Variants in GLB1 observed in about 807,000 individuals in gnomAD.
The protein encoded by GLB1 is galactosidase beta 1, also known as beta-galactosidase.
In GLB1, 56 loss-of-function variants were observed where a neutral mutation model predicts 74.0. The observed-to-expected ratio is 0.76, with a 90% CI of 0.61 to 0.94. The LOEUF (loss-of-function observed/expected upper bound fraction) is 0.94, where lower values mean the gene tolerates loss of function less well. Ranked by LOEUF, GLB1 falls within the 40% of genes least tolerant of loss-of-function variation. The pLI, the probability that GLB1 is intolerant of heterozygous loss-of-function variation, is 0.00. For synonymous variants in GLB1, 323 were observed against 323.6 expected (o/e 1.00, Z 0.02); for missense variants, 787 against 845.5 (o/e 0.93, Z 0.86).
chr3:33,077,878 C>A (rs921349075), intron 1 of GLB1, among the ~76,000 whole-genome samples: 1 of 151,354 alleles, frequency 6.6e-6, no homozygotes, highest in South Asian at 2.1e-4. Context: ...TCCTTGCATA[C>A]TTTATTCAAT....
chr3:32,962,710 G>C, the GLB1 span, among the ~76,000 whole-genome samples: 1 of 151,464 alleles, frequency 6.6e-6, no homozygotes, highest in African/African-American at 2.4e-5. Context: ...TTATGAAAGA[G>C]AATAGAAATA....
At chr3:33,053,218 C>A (rs147245324) in intron 7 of GLB1, among the ~76,000 whole-genome samples, 7 of 152,280 alleles carry the variant, frequency 4.6e-5, no homozygotes, top group African/African-American at 1.7e-4. Flanking sequence ...CCCTGAGGAC[C>A]AGATGAGACC....
chr3:32,968,681 G>T, the GLB1 span, among the ~76,000 whole-genome samples: 24 of 152,246 alleles, frequency 1.6e-4, no homozygotes, highest in Non-Finnish European at 3.1e-4. Flanking sequence ...GAAAGAAGGA[G>T]CCCCTCCTCT....
chr3:32,985,008 G>A, the GLB1 span, among the ~76,000 whole-genome samples: 1 of 151,242 alleles, frequency 6.6e-6, no homozygotes, highest in African/African-American at 2.4e-5. Flanking sequence ...GGGAGGCTGA[G>A]GCAGGAGAAC....
intron 10 of GLB1, among the ~76,000 whole-genome samples, chr3:33,043,844 G>GAAAAAAAAAAAAAAAAAAAAA (rs376478014): frequency 4.8e-5 from 5 of 104,976 alleles, no homozygotes; most frequent in South Asian, 3.3e-4. Flanking sequence ...ACCAAAAAAA[G>GAAAAAAAAAAAAAAAAAAAAA]AAAAAAAAAA....
intron 5 of GLB1, among the ~76,000 whole-genome samples, chr3:33,059,847 T>A (rs558298831): frequency 1.3e-5 from 2 of 152,344 alleles, no homozygotes; most frequent in African/African-American, 4.8e-5. Flanking sequence ...AACATGCACA[T>A]AATACAAAAA....
At chr3:32,977,614 T>C in the GLB1 span, among the ~76,000 whole-genome samples, 3 of 152,194 alleles carry the variant, frequency 2.0e-5, no homozygotes, top group Admixed American at 2.0e-4. Context: ...AATGGAGTCA[T>C]GGAAGCCTTG....
rs7610931 is a variant in GLB1 at position 33,069,222 on chromosome 3, T to G, written c.246-252A>C. On this transcript the variant is annotated intron_variant, in intron 2 of 15. Coordinates refer to ENST00000307363, the MANE Select transcript of GLB1 (RefSeq NM_000404.4). ...CTGGAAAACATGGTGAAACCCCGTC[T>G]CTACAAAAAACACAAAAAAATTAGC... Among the ~76,000 whole-genome samples, 14,570 of 151,874 alleles carry G rather than the reference T, an allele frequency of 0.096. 2,215 individuals are homozygous for G. The highest frequency in any genetic ancestry group is 0.33 in the African/African-American group (13,494 of 41,378).
the GLB1 span, among the ~76,000 whole-genome samples, chr3:32,964,110 T>A: frequency 3.9e-5 from 6 of 152,226 alleles, no homozygotes; most frequent in African/African-American, 7.2e-5. Context: ...CTGCAGAATG[T>A]TTGAATTCTT....
rs1701068101 is a variant in GLB1, at chr3:33,097,113, G to C, written c.-28C>G. On this transcript the variant is annotated 5_prime_UTR_variant, in exon 1 of 16. Coordinates refer to ENST00000307363, the MANE Select transcript of GLB1 (RefSeq NM_000404.4). ...CCACCAGCCTCCCGGCTCTGCAGTC[G>C]GCGCCCAGGCCGGCCGCTTCGCGTC... 6.2e-7 allele frequency: 1 copy of C among 1,610,138 alleles called. No homozygotes were observed. Among genetic ancestry groups the C allele is most frequent in the Non-Finnish European group, 8.5e-7 (1 of 1,178,084 alleles).
rs555582885 is a variant in GLB1, at chr3:33,033,236, G to A, written c.1069-8911C>T. Among the ~76,000 whole-genome samples, 11 of 152,334 alleles carry A rather than the reference G, an allele frequency of 7.2e-5. No homozygotes were observed. In the East Asian group the frequency reaches 1.9e-3, roughly 27 times the overall value. On this transcript the variant is annotated intron_variant, in intron 10 of 15. Coordinates refer to ENST00000307363, the MANE Select transcript of GLB1 (RefSeq NM_000404.4). Reference sequence around the variant, plus strand: ...TTTGAAATGTATGGGGCCAGAACCTGTCTGTGAAAATTTCTTCCAAAAATT... The same window carrying A: ...TTTGAAATGTATGGGGCCAGAACCTATCTGTGAAAATTTCTTCCAAAAATT...
intron 5 of GLB1, among the ~76,000 whole-genome samples, chr3:33,060,223 A>C (rs771376478): frequency 1.4e-4 from 21 of 152,206 alleles, no homozygotes; most frequent in Non-Finnish European, 2.8e-4. Context: ...CAATACTTTC[A>C]GATTTGGGGT....
intron 7 of GLB1, among the ~76,000 whole-genome samples, chr3:33,053,032 A>G (rs4257495): frequency 0.057 from 8,694 of 152,284 alleles, 390 homozygotes; most frequent in African/African-American, 0.12. Context: ...AAGAATAGCA[A>G]CTTCAGCCAA....
At chr3:33,055,490 T>C (rs1231258853) in intron 6 of GLB1, among the ~76,000 whole-genome samples, 1 of 147,466 alleles carries the variant, frequency 6.8e-6, no homozygotes, top group Admixed American at 6.8e-5. Flanking sequence ...AGATGGAGTT[T>C]CGCTCTGTTG....
chr3:32,973,152 A>G, the GLB1 span, among the ~76,000 whole-genome samples: 1 of 152,120 alleles, frequency 6.6e-6, no homozygotes, highest in Non-Finnish European at 1.5e-5. Context: ...TGTTAATCCA[A>G]CTGGGCTGGT....
rs1575502057 is a variant in GLB1, at chr3:33,093,931, C to T, written c.75+3080G>A. On this transcript the variant is annotated intron_variant, in intron 1 of 15. Coordinates refer to ENST00000307363, the MANE Select transcript of GLB1 (RefSeq NM_000404.4). The surrounding 1 kb of genome is among the most constrained non-coding windows in gnomAD (Gnocchi z 6.0). ...TGGGCCAGGGCCAGAAATGCCAGAA[C>T]CACCACCTTCCAAAGCTGAAAACAG... is the stretch of plus-strand genomic sequence containing the variant. 6.2e-7 allele frequency: 1 copy of T among 1,614,014 alleles called. No individual in the cohort carries two copies. The highest frequency in any genetic ancestry group is 1.7e-5 in the Admixed American group (1 of 59,998).
chr3:32,976,238 C>T, the GLB1 span, among the ~76,000 whole-genome samples: 15 of 152,194 alleles, frequency 9.9e-5, no homozygotes, highest in East Asian at 3.8e-4. Flanking sequence ...CACTCCTTTT[C>T]GGACATGGGA....
chr3:33,038,669 A>G (rs1002256520), intron 10 of GLB1, among the ~76,000 whole-genome samples: 1 of 152,192 alleles, frequency 6.6e-6, no homozygotes, highest in Non-Finnish European at 1.5e-5. Flanking sequence ...TCTAGGGCTG[A>G]GAAGATAAAA....
At chr3:33,043,502 A>C (rs1250962790) in intron 10 of GLB1, among the ~76,000 whole-genome samples, 2 of 152,184 alleles carry the variant, frequency 1.3e-5, no homozygotes, top group Non-Finnish European at 2.9e-5. Context: ...AAGAGGAAAA[A>C]ACAAAACAAA....
Sources: allele counts gnomAD v4.1 joint callset (sites outside exome capture counted in the v4.1 genomes callset), GRCh38; gene constraint gnomAD v4.1.1; non-coding constraint Gnocchi (gnomAD v3.1); transcripts MANE v1.5; gene names NCBI Gene and HGNC (gene_info 2026-07-23, HGNC 2026-07-21).